The following MYOCD variants were observed in gnomAD, a reference collection of about 807,000 sequenced individuals.
The protein encoded by MYOCD is myocardin.
A neutral mutation model predicts 96.1 loss-of-function variants in MYOCD; 32 were observed. The observed-to-expected ratio is 0.33, with a 90% CI of 0.25 to 0.45. The LOEUF (loss-of-function observed/expected upper bound fraction) is 0.45. Ranked by LOEUF, MYOCD falls within the 20% of genes least tolerant of loss-of-function variation. The pLI is 1.00. For missense variants in MYOCD, 1,133 were observed against 1,200.6 expected, an observed-to-expected ratio of 0.94 and a Z score of 0.83; for synonymous variants, 469 against 469.0, an observed-to-expected ratio of 1.00 and a Z score of 0.00.
intron 10 of MYOCD, among the ~76,000 whole-genome samples, chr17:12,756,151 G>A (rs929924034): frequency 6.6e-6 from 1 of 152,158 alleles, no homozygotes; most frequent in Non-Finnish European, 1.5e-5. Flanking sequence ...GAAGTAAATA[G>A]CACCAAAGTG....
intron 9 of MYOCD, 138 bp from the exon 10 acceptor site, chr17:12,752,276 G>C: frequency 1.4e-6 from 1 of 713,482 alleles, no homozygotes; most frequent in Non-Finnish European, 2.3e-6. Context: ...GGTAGGAGAG[G>C]AAATCGGAAA....
chr17:12,745,271 G>A (rs922907575), intron 8 of MYOCD, among the ~76,000 whole-genome samples: 3 of 151,894 alleles, frequency 2.0e-5, no homozygotes, highest in African/African-American at 4.8e-5. Flanking sequence ...GTGCAATGGC[G>A]CGATCTTGGC....
At chr17:12,760,793 C>A in intron 13 of MYOCD, 86 bp downstream of exon 13, 1 of 1,105,196 alleles carries the variant, frequency 9.0e-7, no homozygotes, top group Non-Finnish European at 1.4e-6. Flanking sequence ...AGATCAGATG[C>A]ACACTGTGAG....
chr17:12,679,370 T>C (rs982674555), intron 1 of MYOCD, among the ~76,000 whole-genome samples: 2 of 152,176 alleles, frequency 1.3e-5, no homozygotes, highest in African/African-American at 4.8e-5. Context: ...CCTGGCTTAG[T>C]AGAAATGCAG....
chr17:12,691,840 G>A (rs1490643962), intron 1 of MYOCD, among the ~76,000 whole-genome samples: 2 of 152,126 alleles, frequency 1.3e-5, no homozygotes, highest in Non-Finnish European at 2.9e-5. Flanking sequence ...CCTTGGATGA[G>A]CTTTTATATC....
Position 12,753,276 on chromosome 17 carries a change from C to T in MYOCD, c.1988C>T (p.Ser663Leu). The T allele has an allele frequency of 6.2e-7, 1 of 1,613,978 alleles. No individual in the cohort carries two copies. The highest frequency in any genetic ancestry group is 1.3e-5 in the African/African-American group (1 of 75,064). ...CCCAACAACCCTCACTTTCTGCCCT[C>T]ATCCTCCGGGGCCCAGGGAGAAGGG... Reference protein sequence around the residue: ...PSPNNPHFLPSSSGAQGEGHR... With the variant: ...PSPNNPHFLPLSSGAQGEGHR... The change falls in exon 10 of 14, where the codon TCA (serine) becomes TTA (leucine). Residue 663 changes from serine to leucine, a missense_variant. Transcript: ENST00000425538.
Position 12,669,682 on chromosome 17 carries a change from G to A in MYOCD, c.55+3439G>A, listed in dbSNP as rs574959728. ...TGCCCAGGCTGGAGTGCAGTGTCAC[G>A]ATCTCGGCTCACTGCAAGCTCCGCC... On this transcript the variant is annotated intron_variant, in intron 1 of 13. Coordinates refer to ENST00000425538, the MANE Select transcript of MYOCD (RefSeq NM_001146312.3). 3.3e-5 allele frequency among the ~76,000 whole-genome samples: 5 copies of A among 151,738 alleles called. No homozygotes were observed. In the East Asian group the frequency reaches 5.8e-4, roughly 18 times the overall value.
intron 1 of MYOCD, among the ~76,000 whole-genome samples, chr17:12,676,241 G>A (rs1218688813): frequency 1.1e-5 from 1 of 87,408 alleles, no homozygotes; most frequent in Non-Finnish European, 2.3e-5. Context: ...CCCTGCGCGC[G>A]CACGCACACA....
At chr17:12,680,554 A>G (rs16946434) in intron 1 of MYOCD, among the ~76,000 whole-genome samples, 21,100 of 152,150 alleles carry the variant, frequency 0.14, 2,963 homozygotes, top group African/African-American at 0.36. Flanking sequence ...CAAGGAACGC[A>G]GGTCAAATGG....
Position 12,691,051 on chromosome 17 carries a change from A to T in MYOCD, c.56-14077A>T, listed in dbSNP as rs139210921. On this transcript the variant is annotated intron_variant, in intron 1 of 13. Coordinates refer to ENST00000425538, the MANE Select transcript of MYOCD (RefSeq NM_001146312.3). ...CAGAAGTTCTTAGCTCTATTGTTGCACATTCGGTAATGACCTTTCTTTGTT... is the reference window on the plus strand; with the variant it reads ...CAGAAGTTCTTAGCTCTATTGTTGCTCATTCGGTAATGACCTTTCTTTGTT... 1.1e-3 allele frequency among the ~76,000 whole-genome samples: 166 copies of T among 152,306 alleles called. 1 individual carries two copies. The highest frequency in any genetic ancestry group is 3.8e-3 in the African/African-American group (158 of 41,568).
chr17:12,748,160 C>CAAAAAA (rs58002174), intron 9 of MYOCD, among the ~76,000 whole-genome samples: 30 of 90,500 alleles, frequency 3.3e-4, no homozygotes, highest in South Asian at 4.4e-4. Context: ...GACTCCGTCT[C>CAAAAAA]AAAAAAAAAA....
At position 12,764,569 on chromosome 17, in the gene MYOCD, A is replaced by G. The variant is rs2033282118; in HGVS notation, c.*925A>G. On this transcript the variant is annotated 3_prime_UTR_variant, in exon 14 of 14. Coordinates refer to ENST00000425538, the MANE Select transcript of MYOCD (RefSeq NM_001146312.3). ...AGGGATAATTCAGACAGGACTAGAG[A>G]ATAACATCATTTCACATACCCTGGG... 6.6e-6 allele frequency: 1 copy of G among 152,264 alleles called. No individual in the cohort carries two copies. The highest frequency in any genetic ancestry group is 6.5e-5 in the Admixed American group (1 of 15,286). The allele number at this position is 152,264 out of a possible 1,614,324, so 9.4% of individuals were successfully genotyped here.
Position 12,752,753 on chromosome 17 carries a change from G to T in MYOCD, c.1465G>T (p.Val489Phe), listed in dbSNP as rs367926651. 14 of 1,614,034 alleles carry T rather than the reference G, an allele frequency of 8.7e-6. No homozygotes were observed. The East Asian group carries it at 2.5e-4, about 28-fold the overall frequency. Reference protein sequence around the residue: ...SPSFGLHPSPVHVCTEESLMS... With the variant: ...SPSFGLHPSPFHVCTEESLMS... Reference sequence around the variant, plus strand: ...CTCCTTCGGCCTGCACCCGTCCCCAGTCCACGTGTGCACGGAGGAAAGTCT... The same window carrying T: ...CTCCTTCGGCCTGCACCCGTCCCCATTCCACGTGTGCACGGAGGAAAGTCT... The change falls in exon 10 of 14, where the codon GTC becomes TTC. Residue 489 changes from valine to phenylalanine, a missense_variant. Transcript: ENST00000425538.
intron 9 of MYOCD, among the ~76,000 whole-genome samples, chr17:12,747,768 C>T (rs2150714396): frequency 6.6e-6 from 1 of 151,592 alleles, no homozygotes; most frequent in Middle Eastern, 3.4e-3. Flanking sequence ...TGTTTTGCTA[C>T]ACAAAAGGAA....
intron 6 of MYOCD, among the ~76,000 whole-genome samples, chr17:12,738,816 G>A (rs977119974): frequency 1.3e-5 from 2 of 151,036 alleles, no homozygotes; most frequent in African/African-American, 2.4e-5. Flanking sequence ...TCACACACAG[G>A]TGGAACGCCC....
chr17:12,726,907 A>AT (rs756832846), intron 5 of MYOCD, among the ~76,000 whole-genome samples: 4 of 152,060 alleles, frequency 2.6e-5, no homozygotes, highest in Non-Finnish European at 4.4e-5. Context: ...TTTGCCCATG[A>AT]TTATTTGTCC....
chr17:12,758,562 C>T (rs2033079782), intron 12 of MYOCD, among the ~76,000 whole-genome samples: 1 of 152,166 alleles, frequency 6.6e-6, no homozygotes, highest in South Asian at 2.1e-4. Flanking sequence ...ATTGTTCAGG[C>T]ACATAATACC....
Position 12,722,926 on chromosome 17 carries a change from A to C in MYOCD, c.333A>C (p.Lys111Asn), listed in dbSNP as rs918313725. ...GACTCGCCGATGATCTCAATGAAAA[A>C]ATTGCTCTACGACCAGGGCCACTGG... Reference protein sequence around the residue: ...RARLADDLNEKIALRPGPLEL... With the variant: ...RARLADDLNENIALRPGPLEL... Residue 111 changes from lysine (K) to asparagine (N), a missense_variant, in exon 5 of 14, where the codon AAA becomes AAC. Transcript: ENST00000425538. 3 of 1,614,016 alleles carry C rather than the reference A, an allele frequency of 1.9e-6. No homozygotes were observed. The highest frequency in any genetic ancestry group is 2.5e-6 in the Non-Finnish European group (3 of 1,180,008).
At chr17:12,689,757 G>A (rs1223199609) in intron 1 of MYOCD, among the ~76,000 whole-genome samples, 1 of 151,238 alleles carries the variant, frequency 6.6e-6, no homozygotes, top group Non-Finnish European at 1.5e-5. Flanking sequence ...CTTGAACCTG[G>A]GAGGCAAAGG....
Sources: gnomAD v4.1 joint callset for allele counts (sites outside exome capture counted in the v4.1 genomes callset) on GRCh38, gnomAD v4.1.1 for gene constraint, MANE v1.5 for transcripts, NCBI Gene and HGNC (gene_info 2026-07-23, HGNC 2026-07-21) for gene names.